Variants in RPS6KA2 observed in about 807,000 individuals in gnomAD.
The protein encoded by RPS6KA2 is ribosomal protein S6 kinase alpha-2.
RPS6KA2 carries 42 observed loss-of-function variants against 91.8 expected under a neutral mutation model. The ratio of observed to expected loss-of-function variants is 0.46; its 90% CI spans 0.36 to 0.59. The LOEUF is 0.59. Among genes scored for constraint, RPS6KA2 ranks in the 20% least tolerant of loss-of-function variants. The probability of loss-of-function intolerance (pLI) is 0.00; values close to 1 mark genes in which losing one functional copy is unlikely to be tolerated. For synonymous variants in RPS6KA2, 414 were observed against 393.6 expected, an observed-to-expected ratio of 1.05 and a Z score of -0.61; for missense variants, 798 against 978.5, an observed-to-expected ratio of 0.82 and a Z score of 2.46.
rs1157078194 is a variant in RPS6KA2, at chr6:166,510,552, CTCATATATATATATATATATATATAT to C, written c.299-221_299-196del. Among the ~76,000 whole-genome samples, 81 of 66,524 alleles carry C rather than the reference CTCATATATATATATATATATATATAT, an allele frequency of 1.2e-3. 4 individuals carry two copies. Among genetic ancestry groups the C allele is most frequent in the African/African-American group, 4.2e-3 (77 of 18,272 alleles). 43.6% of individuals were successfully genotyped at this position (66,524 alleles called of 152,430 possible). A position where few individuals can be genotyped will look rare whatever the true frequency, so the allele number is the denominator to read the frequency against. On this transcript the variant is annotated intron_variant, in intron 3 of 20. Transcript: ENST00000265678. ...GTTTTAATACATTTGCTTTCTCTCT[CTCATATATATATATATATATATATAT>C]ATATATATATATATATATATATATA...
intron 3 of RPS6KA2, among the ~76,000 whole-genome samples, chr6:166,523,128 A>G (rs549509141): frequency 2.0e-5 from 3 of 152,348 alleles, no homozygotes; most frequent in East Asian, 1.9e-4. Flanking sequence ...ATAAACACAT[A>G]GAGGACTCCA....
chr6:166,855,230 T>G (rs1780855383), intron 2 of RPS6KA2, among the ~76,000 whole-genome samples: 1 of 152,178 alleles, frequency 6.6e-6, no homozygotes, highest in Non-Finnish European at 1.5e-5. Context: ...TTGGGTTCTG[T>G]GGTCACTGTT....
chr6:166,777,244 C>G (rs142678879), intron 2 of RPS6KA2, among the ~76,000 whole-genome samples: 4 of 152,186 alleles, frequency 2.6e-5, no homozygotes, highest in African/African-American at 9.7e-5. Flanking sequence ...ATGGATTTTA[C>G]GTCTTCTCTG....
intron 10 of RPS6KA2, among the ~76,000 whole-genome samples, chr6:166,488,409 C>T (rs902654987): frequency 6.6e-6 from 1 of 151,896 alleles, no homozygotes; most frequent in Admixed American, 6.6e-5. Flanking sequence ...GTCACATACA[C>T]GAAAAGAAAA....
At chr6:166,504,425 G>T in intron 6 of RPS6KA2, 81 bp downstream of exon 6, 1 of 796,770 alleles carries the variant, frequency 1.3e-6, no homozygotes, top group East Asian at 2.5e-5. Flanking sequence ...TAAATATCTA[G>T]CAGTGGCTAC....
rs1778365372 is a variant in RPS6KA2 at position 166,412,974 on chromosome 6, C to T, written c.2077-87G>A. ...CCGGGGCCTCCATGGGCCTCAGCTG[C>T]CCCCAGGCAACGTGGGAGAAACCAG... On this transcript the variant is annotated intron_variant, in intron 20 of 20. Transcript: ENST00000265678. This position sits in a 1 kb window ranked among gnomAD's most constrained non-coding sequence, Gnocchi z 4.3. 2.2e-6 allele frequency: 3 copies of T among 1,356,944 alleles called. No individual in the cohort carries two copies. Among genetic ancestry groups the T allele is most frequent in the East Asian group, 2.7e-5 (1 of 37,328 alleles). 84.1% of individuals were successfully genotyped at this position (1,356,944 alleles called of 1,614,324 possible). A position where few individuals can be genotyped will look rare whatever the true frequency, so the allele number is the denominator to read the frequency against.
rs145010028 is a variant in RPS6KA2 at position 166,423,915 on chromosome 6, C to T, written c.1582-498G>A. 635 of 153,100 alleles carry T rather than the reference C, an allele frequency of 4.1e-3. 9 individuals carry two copies. The highest frequency in any genetic ancestry group is 5.8e-3 in the Non-Finnish European group (395 of 68,634). 9.5% of individuals were successfully genotyped at this position (153,100 alleles called of 1,614,324 possible). Reference sequence around the variant, plus strand: ...TCGTTGGGGAGACGGACCAGGGCCACGCGATCATGCAGTCACTCTGCAATC... The same window carrying T: ...TCGTTGGGGAGACGGACCAGGGCCATGCGATCATGCAGTCACTCTGCAATC... On this transcript the variant is annotated intron_variant, in intron 16 of 20. Coordinates refer to ENST00000265678, the MANE Select transcript of RPS6KA2 (RefSeq NM_021135.6). This position sits in a 1 kb window ranked among gnomAD's most constrained non-coding sequence, Gnocchi z 4.8.
chr6:166,792,854 T>C (rs1779127422), intron 2 of RPS6KA2, among the ~76,000 whole-genome samples: 1 of 152,190 alleles, frequency 6.6e-6, no homozygotes, highest in Non-Finnish European at 1.5e-5. Context: ...GGGCTGTATC[T>C]CAAAATAATA....
At chr6:166,595,005 G>T (rs960234059) in intron 1 of RPS6KA2, among the ~76,000 whole-genome samples, 1 of 152,066 alleles carries the variant, frequency 6.6e-6, no homozygotes, top group African/African-American at 2.4e-5. Context: ...AAAGTTCTTG[G>T]TCTTGGTTTT....
chr6:166,527,898 G>A (rs1195594916), intron 3 of RPS6KA2, among the ~76,000 whole-genome samples: 1 of 152,178 alleles, frequency 6.6e-6, no homozygotes, highest in East Asian at 1.9e-4. Context: ...CCTTTCTATT[G>A]CCCAATATCA....
At position 166,767,002 on chromosome 6, in the gene RPS6KA2, C is replaced by T. The variant is rs561707696; in HGVS notation, c.123+91198G>A. 6.0e-4 allele frequency among the ~76,000 whole-genome samples: 92 copies of T among 152,348 alleles called. No homozygotes were observed. Among genetic ancestry groups the T allele is most frequent in the Non-Finnish European group, 8.7e-4 (59 of 68,036 alleles). On this transcript the variant is annotated intron_variant, in intron 2 of 21. Coordinates refer to the RPS6KA2 transcript ENST00000503859. This position sits in a 1 kb window ranked among gnomAD's most constrained non-coding sequence, Gnocchi z 4.6. ...TCCAAAGAATGTGCCTCCCCACCCC[C>T]GAACCCTGCTGCACCCAGAAGTCTG...
At chr6:166,862,319 T>A in exon 1 of RPS6KA2, 3 of 1,521,794 alleles carry the variant, frequency 2.0e-6, no homozygotes, top group Non-Finnish European at 2.6e-6. Flanking sequence ...AGAGGACAGA[T>A]CCGGCTCCCA....
intron 1 of RPS6KA2, among the ~76,000 whole-genome samples, chr6:166,615,551 C>A (rs873069): frequency 0.14 from 21,441 of 152,078 alleles, 1,626 homozygotes; most frequent in South Asian, 0.28. Flanking sequence ...CCCCTGGGGC[C>A]CCAGAGATGC....
chr6:166,564,718 G>T (rs1347756460), intron 1 of RPS6KA2, among the ~76,000 whole-genome samples: 1 of 152,106 alleles, frequency 6.6e-6, no homozygotes, highest in Admixed American at 6.5e-5. Flanking sequence ...CACAAATAAC[G>T]CAGTCTAGAA....
chr6:166,463,490 C>T (rs531398522), intron 11 of RPS6KA2: 2 of 152,250 alleles, frequency 1.3e-5, no homozygotes, highest in South Asian at 4.2e-4. Context: ...GTCAGAATGA[C>T]ACAGTGTGGC....
chr6:166,824,922 A>G (rs1391344276), intron 2 of RPS6KA2, among the ~76,000 whole-genome samples: 1 of 152,088 alleles, frequency 6.6e-6, no homozygotes, highest in African/African-American at 2.4e-5. Flanking sequence ...CTTTGTGAAA[A>G]GAGGCAATCA....
intron 2 of RPS6KA2, among the ~76,000 whole-genome samples, chr6:166,647,048 G>A (rs1787628067): frequency 6.6e-6 from 1 of 152,218 alleles, no homozygotes; most frequent in South Asian, 2.1e-4. Flanking sequence ...TGTCCTCCAG[G>A]CACTGCCAGG....
intron 3 of RPS6KA2, among the ~76,000 whole-genome samples, chr6:166,524,315 T>A (rs989659195): frequency 4.6e-5 from 7 of 152,146 alleles, no homozygotes; most frequent in African/African-American, 1.7e-4. Context: ...TGCAGTCCTA[T>A]CAGAAAAATC....
chr6:166,581,484 G>A (rs938412517), intron 1 of RPS6KA2, among the ~76,000 whole-genome samples: 1 of 152,150 alleles, frequency 6.6e-6, no homozygotes, highest in Admixed American at 6.5e-5. Context: ...GGGACTTGAT[G>A]TCCAAGTGCT....
Sources: gnomAD v4.1 joint callset for allele counts (sites outside exome capture counted in the v4.1 genomes callset) on GRCh38, gnomAD v4.1.1 for gene constraint, Gnocchi (gnomAD v3.1) non-coding constraint, MANE v1.5 for transcripts, NCBI Gene and HGNC (gene_info 2026-07-23, HGNC 2026-07-21) for gene names.